Variants in RGS3 observed in about 807,000 individuals in gnomAD.
RGS3 encodes the protein regulator of G protein signaling 3.
RGS3 carries 80 observed loss-of-function variants against 132.6 expected under a neutral mutation model. The ratio of observed to expected loss-of-function variants is 0.60; its 90% CI spans 0.50 to 0.73. The LOEUF (loss-of-function observed/expected upper bound fraction) is 0.73, where lower values mean the gene tolerates loss of function less well. Ranked by LOEUF, RGS3 falls within the 30% of genes least tolerant of loss-of-function variation. RGS3 has a pLI of 0.00. For missense variants in RGS3, 1,382 were observed against 1,530.8 expected (o/e 0.90, Z 1.62); for synonymous variants, 598 against 620.6 (o/e 0.96, Z 0.54).
At chr9:113,449,808 T>C (rs1205712056) in intron 1 of RGS3, among the ~76,000 whole-genome samples, 1 of 151,926 alleles carries the variant, frequency 6.6e-6, no homozygotes, top group Admixed American at 6.6e-5. Context: ...AGTGGCTCAG[T>C]CTTGGCTCAC....
At chr9:113,525,305 C>T (rs1169179836) in intron 17 of RGS3, among the ~76,000 whole-genome samples, 1 of 152,136 alleles carries the variant, frequency 6.6e-6, no homozygotes, top group Non-Finnish European at 1.5e-5. Flanking sequence ...CCCTTGCCTT[C>T]CCCCAGCTGC....
At chr9:113,535,090 T>C (rs184766213) in intron 18 of RGS3, among the ~76,000 whole-genome samples, 1 of 152,344 alleles carries the variant, frequency 6.6e-6, no homozygotes, top group African/African-American at 2.4e-5. Context: ...CATTTACCTC[T>C]TTATTTCCAA....
chr9:113,580,911 G>A (rs778797562), intron 19 of RGS3: 28 of 985,490 alleles, frequency 2.8e-5, no homozygotes, highest in African/African-American at 5.2e-5. Context: ...AATGCGGCCC[G>A]CTCCCCACTC....
Position 113,591,859 on chromosome 9 carries a change from A to ATG in RGS3, c.3080+462_3080+463insTG. ...GGGGGCGCTGCTGGCCCAGCTGCCG[A>ATG]ATCCCGCACTCGCCAAGCCTTTCTG... On this transcript the variant is annotated intron_variant, in intron 21 of 24. Transcript: ENST00000350696. This position sits in a 1 kb window ranked among gnomAD's most constrained non-coding sequence, Gnocchi z 4.4. 1.2e-5 allele frequency: 2 copies of ATG among 170,554 alleles called. No individual in the cohort carries two copies. Among genetic ancestry groups the ATG allele is most frequent in the Admixed American group, 5.6e-5 (1 of 18,010 alleles). The allele number at this position is 170,554 out of a possible 1,614,324, so 10.6% of individuals were successfully genotyped here. A position where few individuals can be genotyped will look rare whatever the true frequency, so the allele number is the denominator to read the frequency against.
exon 20 of RGS3, chr9:113,584,266 C>A: frequency 6.2e-7 from 1 of 1,612,260 alleles, no homozygotes. Flanking sequence ...GCAGGAGCCC[C>A]GAGGGCCCTG....
Position 113,505,504 on chromosome 9 carries a change from AGT to A in RGS3, c.961_962del (p.Val321ProfsTer25). 6.2e-7 allele frequency: 1 copy of A among 1,614,176 alleles called. No individual in the cohort carries two copies. The highest frequency in any genetic ancestry group is 8.5e-7 in the Non-Finnish European group (1 of 1,180,024). ...CCATCTGCTGCGACTCTCCAGTTCG[AGT>A]CCAGGCCGTGGATTCCGGTAAGTTA... On this transcript the variant is annotated frameshift_variant, in exon 11 of 25. Coordinates refer to ENST00000350696, the Ensembl canonical transcript of RGS3. LOFTEE classifies it high-confidence loss of function.
intron 3 of RGS3, among the ~76,000 whole-genome samples, chr9:113,474,786 G>A (rs1829940518): frequency 6.6e-6 from 1 of 152,216 alleles, no homozygotes; most frequent in Admixed American, 6.5e-5. Flanking sequence ...CTTCATGCTA[G>A]CCAGGCAAGT....
intron 19 of RGS3, chr9:113,581,365 A>G (rs895131587): frequency 4.6e-5 from 7 of 152,248 alleles, no homozygotes; most frequent in Non-Finnish European, 8.8e-5. Context: ...GGACTGAAGC[A>G]CAGCCCTTAG....
At chr9:113,553,498 A>G (rs1284604800) in intron 19 of RGS3, among the ~76,000 whole-genome samples, 5 of 131,610 alleles carry the variant, frequency 3.8e-5, no homozygotes, top group East Asian at 2.1e-4. Flanking sequence ...ATATGTATAT[A>G]TAATATTATA....
At chr9:113,454,319 G>A (rs1459525614) in intron 1 of RGS3, among the ~76,000 whole-genome samples, 1 of 152,102 alleles carries the variant, frequency 6.6e-6, no homozygotes, top group Admixed American at 6.6e-5. Context: ...CTTAGAAACA[G>A]TTTGATCCTA....
intron 19 of RGS3, chr9:113,581,649 A>G (rs1834816842): frequency 6.6e-6 from 1 of 152,270 alleles, no homozygotes; most frequent in South Asian, 2.1e-4. Flanking sequence ...GGACACCTTG[A>G]GGCCTAAAGG....
chr9:113,557,001 C>T (rs1381968103), intron 19 of RGS3, among the ~76,000 whole-genome samples: 3 of 152,224 alleles, frequency 2.0e-5, no homozygotes, highest in African/African-American at 7.2e-5. Flanking sequence ...ATAGAACACA[C>T]GCAGTCACCT....
At chr9:113,479,610 G>A (rs913080679) in intron 4 of RGS3, 69 bp downstream of exon 2, 19 of 1,448,348 alleles carry the variant, frequency 1.3e-5, no homozygotes, top group African/African-American at 4.2e-5. Flanking sequence ...TGGGGCTGGG[G>A]TTGGGGGATG....
rs1347431725 is a variant in RGS3, at chr9:113,506,476, G to C, written c.1068G>C (p.Glu356Asp). The C allele has an allele frequency of 6.3e-7, 1 of 1,592,358 alleles. No homozygotes were observed. The highest frequency in any genetic ancestry group is 1.3e-5 in the African/African-American group (1 of 74,844). ...CTGTGGAGCACTGGAAATGTGTGGAGCTGGCCCACGAGATCCGGTGACAGG... is the reference window on the plus strand; with the variant it reads ...CTGTGGAGCACTGGAAATGTGTGGACCTGGCCCACGAGATCCGGTGACAGG... The change falls in exon 12 of 25, where the codon GAG (glutamate) becomes GAC (aspartate). Residue 356 changes from glutamate to aspartate, a missense_variant. Glu to Asp is a conservative substitution (Grantham distance 45). Transcript: ENST00000350696. The surrounding 1 kb of genome is among the most constrained non-coding windows in gnomAD (Gnocchi z 4.7).
intron 20 of RGS3, among the ~76,000 whole-genome samples, chr9:113,588,229 A>C (rs1454615404): frequency 6.6e-6 from 1 of 152,216 alleles, no homozygotes; most frequent in Non-Finnish European, 1.5e-5. Flanking sequence ...AGAGGACCCC[A>C]AAAATGCCTT....
At position 113,591,309 on chromosome 9, in the gene RGS3, A is replaced by G; in HGVS notation, c.3016-24A>G. On this transcript the variant is annotated intron_variant, in intron 20 of 24. Transcript: ENST00000350696. The surrounding 1 kb of genome is among the most constrained non-coding windows in gnomAD (Gnocchi z 4.4). ...AGGAGTTCCTGGGTGCCCAGACTGC[A>G]TCGTGTCTGTCTTCTCTCCGCAGAT... 6.2e-7 allele frequency: 1 copy of G among 1,610,836 alleles called. No homozygotes were observed. Among genetic ancestry groups the G allele is most frequent in the Middle Eastern group, 1.7e-4 (1 of 6,056 alleles).
chr9:113,482,046 C>CAAAAAAA (rs1234435107), intron 4 of RGS3, among the ~76,000 whole-genome samples: 1 of 95,044 alleles, frequency 1.1e-5, no homozygotes. Context: ...AACTCCATCT[C>CAAAAAAA]AAAAAAAAAA....
rs79240675 is a variant in RGS3 at position 113,451,355 on chromosome 9, C to T, written c.-13+6428C>T. ...GAGAAGGTTTGGGATCCCTGGATGC[C>T]ATGACCTTTGCCCCTGTTTCTTTAC... is the stretch of plus-strand genomic sequence containing the variant. On this transcript the variant is annotated intron_variant, in intron 1 of 25. Coordinates refer to the RGS3 transcript ENST00000374140. Among the ~76,000 whole-genome samples the T allele has an allele frequency of 1.8e-3, 268 of 152,216 alleles. 2 individuals carry two copies. The highest frequency in any genetic ancestry group is 7.7e-3 in the East Asian group (40 of 5,184).
chr9:113,589,718 A>G (rs1835319114), intron 20 of RGS3, among the ~76,000 whole-genome samples: 1 of 152,188 alleles, frequency 6.6e-6, no homozygotes, highest in Non-Finnish European at 1.5e-5. Flanking sequence ...CTGAATGGTG[A>G]CAGTGGTAAC....
Sources: allele counts gnomAD v4.1 joint callset (sites outside exome capture counted in the v4.1 genomes callset), GRCh38; gene constraint gnomAD v4.1.1; non-coding constraint Gnocchi (gnomAD v3.1); transcripts MANE v1.5; gene names NCBI Gene and HGNC (gene_info 2026-07-23, HGNC 2026-07-21).